The following AFF2 variants were observed in gnomAD, a reference collection of about 807,000 sequenced individuals.
AFF2 encodes the protein AF4/FMR2 family member 2.
In AFF2, 14 loss-of-function variants were observed where a neutral mutation model predicts 76.9. That is an observed-to-expected ratio of 0.18 (90% CI 0.12 to 0.28). AFF2 has a LOEUF of 0.28. Ranked by LOEUF, AFF2 falls within the 10% of genes least tolerant of loss-of-function variation. The pLI, the probability that AFF2 is intolerant of heterozygous loss-of-function variation, is 1.00. For missense variants in AFF2, 868 were observed against 1,001.1 expected, an observed-to-expected ratio of 0.87 and a Z score of 1.79; for synonymous variants, 398 against 366.7, an observed-to-expected ratio of 1.09 and a Z score of -0.98.
chrX:148,900,689 A>G (rs1225346649), intron 8 of AFF2, among the ~76,000 whole-genome samples: 2 of 111,635 alleles, frequency 1.8e-5, no homozygotes, highest in Non-Finnish European at 3.8e-5. Flanking sequence ...TCAACTGGAA[A>G]ATATGGAATC....
chrX:148,847,894 AT>A (rs1272206721), intron 7 of AFF2, among the ~76,000 whole-genome samples: 2 of 112,188 alleles, frequency 1.8e-5, no homozygotes, highest in African/African-American at 6.5e-5. Flanking sequence ...TAAAGCTAGA[AT>A]AACAGTCCTT....
intron 4 of AFF2, among the ~76,000 whole-genome samples, chrX:148,812,024 T>C (rs2070209328): frequency 9.0e-6 from 1 of 110,923 alleles, no homozygotes; most frequent in Non-Finnish European, 1.9e-5. Context: ...GAGTGGGCCT[T>C]CCTTTATTAA....
At chrX:148,665,554 G>A (rs2054349570) in intron 3 of AFF2, among the ~76,000 whole-genome samples, 1 of 111,730 alleles carries the variant, frequency 9.0e-6, no homozygotes, top group African/African-American at 3.3e-5. Context: ...ACCAAAAATA[G>A]GAGGAAAGGA....
chrX:148,865,051 G>A (rs1291434845), intron 7 of AFF2, among the ~76,000 whole-genome samples: 2 of 112,222 alleles, frequency 1.8e-5, no homozygotes, highest in Non-Finnish European at 3.8e-5. Flanking sequence ...GAAGACTCAT[G>A]ACATTTCACT....
At chrX:148,846,058 C>T (rs1257404464) in intron 7 of AFF2, among the ~76,000 whole-genome samples, 1 of 112,186 alleles carries the variant, frequency 8.9e-6, no homozygotes, top group Non-Finnish European at 1.9e-5. Context: ...TGAGTATAAA[C>T]TTGCAACTAG....
chrX:148,811,133 AG>A (rs2070197328), intron 4 of AFF2, among the ~76,000 whole-genome samples: 1 of 111,522 alleles, frequency 9.0e-6, no homozygotes, highest in African/African-American at 3.3e-5. Context: ...GGATTAGGGC[AG>A]GGGTTCCCAA....
chrX:148,834,147 A>G (rs892224927), intron 4 of AFF2, among the ~76,000 whole-genome samples: 1 of 112,467 alleles, frequency 8.9e-6, no homozygotes, highest in African/African-American at 3.2e-5. Context: ...GTGTCTTCCT[A>G]TTATTAGAAG....
intron 3 of AFF2, among the ~76,000 whole-genome samples, chrX:148,713,144 G>A (rs2054988705): frequency 9.0e-6 from 1 of 111,144 alleles, no homozygotes; most frequent in Non-Finnish European, 1.9e-5. Flanking sequence ...AGGCCATAGA[G>A]GCTGGAGCAG....
At chrX:148,833,541 G>A (rs782752679) in intron 4 of AFF2, among the ~76,000 whole-genome samples, 1 of 109,163 alleles carries the variant, frequency 9.2e-6, no homozygotes, top group Non-Finnish European at 1.9e-5. Flanking sequence ...GGCACAGGTT[G>A]CAGTGAGCCA....
In AFF2 at chrX:148,870,348, AAAAC is replaced by A. The variant is rs1478048119; in HGVS notation, c.1263-15535_1263-15532del. Among the ~76,000 whole-genome samples the A allele has an allele frequency of 6.2e-5, 7 of 112,561 alleles. No individual in the cohort carries two copies. The East Asian group carries it at 1.4e-3, about 23-fold the overall frequency. ...TTGGGCAATTGATAAGGTAATGAAA[AAAAC>A]AAACAGATTTACTTTTTTATGTGAA... On this transcript the variant is annotated intron_variant, in intron 7 of 20. Coordinates refer to ENST00000370460, the MANE Select transcript of AFF2 (RefSeq NM_002025.4).
chrX:148,925,553 C>T (rs1214293724), intron 9 of AFF2, among the ~76,000 whole-genome samples: 1 of 111,903 alleles, frequency 8.9e-6, no homozygotes, highest in East Asian at 2.8e-4. Flanking sequence ...GAGTTCAAGC[C>T]TCCTGTAAGG....
intron 7 of AFF2, among the ~76,000 whole-genome samples, chrX:148,850,935 C>T (rs1557275270): frequency 8.9e-6 from 1 of 112,119 alleles, no homozygotes. Context: ...GACAAGTCTT[C>T]CAGGCCCAGA....
At chrX:148,594,771 G>A (rs782173953) in intron 1 of AFF2, among the ~76,000 whole-genome samples, 4 of 112,069 alleles carry the variant, frequency 3.6e-5, no homozygotes, top group Non-Finnish European at 7.5e-5. Flanking sequence ...ATTGAAAGCT[G>A]TGTAAGAAGT....
chrX:148,722,511 A>G (rs1343045457), intron 3 of AFF2, among the ~76,000 whole-genome samples: 1 of 109,885 alleles, frequency 9.1e-6, no homozygotes, highest in Non-Finnish European at 1.9e-5. Flanking sequence ...CTCTTTCATC[A>G]ATCACTGTAG....
At chrX:148,551,791 G>T (rs782651206) in intron 1 of AFF2, among the ~76,000 whole-genome samples, 8 of 111,728 alleles carry the variant, frequency 7.2e-5, no homozygotes, top group Non-Finnish European at 1.3e-4. Context: ...TGATGAGAGG[G>T]TCTTTGTATA....
chrX:148,555,706 A>G (rs1462422929), intron 1 of AFF2, among the ~76,000 whole-genome samples: 1 of 112,297 alleles, frequency 8.9e-6, no homozygotes, highest in Non-Finnish European at 1.9e-5. Flanking sequence ...TAGGTTTCCC[A>G]TCCCATTTTT....
chrX:148,539,098 TTA>T (rs782536807), intron 1 of AFF2, among the ~76,000 whole-genome samples: 1 of 111,758 alleles, frequency 8.9e-6, no homozygotes, highest in Admixed American at 9.5e-5. Flanking sequence ...ATGTGATGGG[TTA>T]TAGAGTTGTA....
chrX:148,507,217 T>G (rs2052430386), intron 1 of AFF2, among the ~76,000 whole-genome samples: 1 of 112,565 alleles, frequency 8.9e-6, no homozygotes, highest in Non-Finnish European at 1.9e-5. Context: ...ATTCTTTTCA[T>G]GTCTCTTAGC....
At position 148,581,184 on chromosome X, in the gene AFF2, CACATAT is replaced by C. The variant is rs1452678914; in HGVS notation, c.48-70806_48-70801del. 1.4e-3 allele frequency among the ~76,000 whole-genome samples: 128 copies of C among 89,137 alleles called. 3 individuals carry two copies. The highest frequency in any genetic ancestry group is 6.5e-3 in the African/African-American group (118 of 18,136). The allele number at this position is 89,137 out of a possible 115,157, so 77.4% of individuals were successfully genotyped here. ...ATACACACATACATATACGTATACA[CACATAT>C]ACATATACGTATACGTATACACACA... On this transcript the variant is annotated intron_variant, in intron 1 of 20. Transcript: ENST00000370460.
Sources: allele counts gnomAD v4.1 joint callset (sites outside exome capture counted in the v4.1 genomes callset), GRCh38; gene constraint gnomAD v4.1.1; transcripts MANE v1.5; gene names NCBI Gene and HGNC (gene_info 2026-07-23, HGNC 2026-07-21).